BMPR1A: variants seen among roughly 807,000 people sequenced by gnomAD.
BMPR1A encodes the protein bone morphogenetic protein receptor type 1A.
Under a neutral mutation model 66.0 loss-of-function variants are expected in BMPR1A, and 7 were observed. That is an observed-to-expected ratio of 0.11 (90% confidence interval 0.06 to 0.20). BMPR1A has a LOEUF of 0.20. Among genes scored for constraint, BMPR1A ranks in the 10% least tolerant of loss-of-function variants. The pLI, the probability that BMPR1A is intolerant of heterozygous loss-of-function variation, is 1.00. For synonymous variants in BMPR1A, 200 were observed against 229.7 expected, an observed-to-expected ratio of 0.87 and a Z score of 1.17; for missense variants, 408 against 669.1, an observed-to-expected ratio of 0.61 and a Z score of 4.31.
chr10:86,789,637 T>C (rs932193127), intron 1 of BMPR1A, among the ~76,000 whole-genome samples: 8 of 150,814 alleles, frequency 5.3e-5, no homozygotes, highest in Non-Finnish European at 1.2e-4. Context: ...TGCTTGAACC[T>C]GGAAGGCAGA....
chr10:86,914,115 A>AT (rs1177161985), intron 8 of BMPR1A, among the ~76,000 whole-genome samples: 1 of 151,090 alleles, frequency 6.6e-6, no homozygotes, highest in Non-Finnish European at 1.5e-5. Context: ...TGGTTAATTG[A>AT]TTAAAAAAAA....
chr10:86,824,081 T>TTGTGTGTGTG (rs71477609), intron 1 of BMPR1A, among the ~76,000 whole-genome samples: 1,274 of 94,110 alleles, frequency 0.014, 21 homozygotes, highest in African/African-American at 0.035. Flanking sequence ...TTACCAAGGG[T>TTGTGTGTGTG]TGTGTGTGTG....
At position 86,875,870 on chromosome 10, in the gene BMPR1A, T is replaced by G; in HGVS notation, c.-149T>G. 1 of 722,502 alleles carries G rather than the reference T, an allele frequency of 1.4e-6. No homozygotes were observed. The highest frequency in any genetic ancestry group is 2.4e-6 in the Non-Finnish European group (1 of 409,196). The allele number at this position is 722,502 out of a possible 1,614,324, so 44.8% of individuals were successfully genotyped here. A position where few individuals can be genotyped will look rare whatever the true frequency, so the allele number is the denominator to read the frequency against. On this transcript the variant is annotated 5_prime_UTR_variant, in exon 3 of 13. Coordinates refer to ENST00000372037, the MANE Select transcript of BMPR1A (RefSeq NM_004329.3). ...TTTAAATATTTTTGTCTTTCAGGAG[T>G]CGTAAGAAAGCAGTGGGAGTTGAAG...
chr10:86,799,002 C>T (rs1171508483), intron 1 of BMPR1A, among the ~76,000 whole-genome samples: 1 of 152,056 alleles, frequency 6.6e-6, no homozygotes, highest in African/African-American at 2.4e-5. Flanking sequence ...AACATATTAA[C>T]CAAAAAGAAG....
At chr10:86,810,027 G>A (rs1841947589) in intron 1 of BMPR1A, among the ~76,000 whole-genome samples, 1 of 151,976 alleles carries the variant, frequency 6.6e-6, no homozygotes, top group Non-Finnish European at 1.5e-5. Context: ...CTAGAGTGCA[G>A]TAGCATGATC....
At chr10:86,844,768 T>C (rs751248316) in intron 2 of BMPR1A, among the ~76,000 whole-genome samples, 1 of 152,186 alleles carries the variant, frequency 6.6e-6, no homozygotes, top group Non-Finnish European at 1.5e-5. Context: ...TGTGTTGAAC[T>C]ATTATTTTTT....
chr10:86,813,031 C>A (rs1176959182), intron 1 of BMPR1A, among the ~76,000 whole-genome samples: 1 of 152,066 alleles, frequency 6.6e-6, no homozygotes, highest in Non-Finnish European at 1.5e-5. Context: ...TTTGCTGTTT[C>A]CAGAAATGTC....
At chr10:86,758,978 TAA>T (rs949362058) in intron 1 of BMPR1A, among the ~76,000 whole-genome samples, 6 of 152,220 alleles carry the variant, frequency 3.9e-5, no homozygotes, top group African/African-American at 1.4e-4. Context: ...TCATGGAGCT[TAA>T]AGTCTAGTGG....
intron 1 of BMPR1A, among the ~76,000 whole-genome samples, chr10:86,807,879 G>A (rs796570513): frequency 6.6e-6 from 1 of 152,098 alleles, no homozygotes; most frequent in African/African-American, 2.4e-5. Context: ...CAGTTTTCCT[G>A]CTTTAGCCTC....
At chr10:86,832,610 ACTGCTTATTTT>A (rs1213731460) in intron 1 of BMPR1A, among the ~76,000 whole-genome samples, 1 of 152,062 alleles carries the variant, frequency 6.6e-6, no homozygotes, top group Non-Finnish European at 1.5e-5. Context: ...CTAGGCAACC[ACTGCTTATTTT>A]CTGTCTCTAA....
intron 1 of BMPR1A, among the ~76,000 whole-genome samples, chr10:86,782,406 A>G (rs1841450775): frequency 6.6e-6 from 1 of 152,196 alleles, no homozygotes; most frequent in Non-Finnish European, 1.5e-5. Context: ...AGGAACGTCC[A>G]TACTGTTTTT....
intron 1 of BMPR1A, among the ~76,000 whole-genome samples, chr10:86,773,854 C>CT (rs34632382): frequency 0.28 from 39,839 of 141,990 alleles, 6,581 homozygotes; most frequent in East Asian, 0.66. Context: ...GTATTTCATT[C>CT]TTTTTTTTTT....
At chr10:86,889,789 G>A (rs1843121415) in intron 3 of BMPR1A, 2 of 399,884 alleles carry the variant, frequency 5.0e-6, no homozygotes, top group Non-Finnish European at 9.0e-6. Flanking sequence ...AGATTTGACT[G>A]TATTCTGCCT....
intron 5 of BMPR1A, among the ~76,000 whole-genome samples, chr10:86,897,666 G>A (rs1299025154): frequency 6.6e-6 from 1 of 152,124 alleles, no homozygotes; most frequent in Non-Finnish European, 1.5e-5. Flanking sequence ...GAGTGCAGTG[G>A]TGCAATCACA....
At chr10:86,882,967 AAAAC>A (rs1378925896) in intron 3 of BMPR1A, among the ~76,000 whole-genome samples, 2 of 152,088 alleles carry the variant, frequency 1.3e-5, no homozygotes, top group Non-Finnish European at 2.9e-5. Flanking sequence ...GCCATCTCAA[AAAAC>A]AAACAAAAAA....
chr10:86,831,164 C>T (rs968705008), intron 1 of BMPR1A, among the ~76,000 whole-genome samples: 1 of 152,194 alleles, frequency 6.6e-6, no homozygotes, highest in South Asian at 2.1e-4. Flanking sequence ...TTCACTTCTT[C>T]GTCTGCATCA....
intron 7 of BMPR1A, among the ~76,000 whole-genome samples, chr10:86,909,591 AAAAAAAAG>A (rs1031300732): frequency 4.3e-5 from 6 of 139,668 alleles, no homozygotes; most frequent in South Asian, 2.5e-4. Flanking sequence ...TATCTCAAAA[AAAAAAAAG>A]AAAAAAAAGA....
chr10:86,855,926 G>A (rs1373420223), intron 2 of BMPR1A: 1 of 649,896 alleles, frequency 1.5e-6, no homozygotes, highest in Non-Finnish European at 2.8e-6. Context: ...GTTGATATCT[G>A]ATGTTTTAAT....
At chr10:86,838,045 A>G (rs1021611933) in intron 1 of BMPR1A, among the ~76,000 whole-genome samples, 1 of 152,216 alleles carries the variant, frequency 6.6e-6, no homozygotes, top group Non-Finnish European at 1.5e-5. Context: ...TTAAAACACG[A>G]AACAGAATAC....
Sources: gnomAD v4.1 joint callset for allele counts (sites outside exome capture counted in the v4.1 genomes callset) on GRCh38, gnomAD v4.1.1 for gene constraint, MANE v1.5 for transcripts, NCBI Gene and HGNC (gene_info 2026-07-23, HGNC 2026-07-21) for gene names.